PCBP3: variants seen among roughly 807,000 people sequenced by gnomAD.
PCBP3 encodes poly(rC)-binding protein 3.
PCBP3 carries 25 observed loss-of-function variants against 52.7 expected under a neutral mutation model. That is an observed-to-expected ratio of 0.47 (90% CI 0.35 to 0.66). The LOEUF is 0.66. PCBP3 is among the 30% of genes least tolerant of loss of function. The probability of loss-of-function intolerance (pLI) is 0.01; values close to 1 mark genes in which losing one functional copy is unlikely to be tolerated. For missense variants in PCBP3, 391 were observed against 490.3 expected, an observed-to-expected ratio of 0.80 and a Z score of 1.91; for synonymous variants, 162 against 183.0, an observed-to-expected ratio of 0.89 and a Z score of 0.93.
chr21:45,712,951 C>G (rs1324281949), intron 2 of PCBP3, among the ~76,000 whole-genome samples: 1 of 152,112 alleles, frequency 6.6e-6, no homozygotes, highest in Admixed American at 6.5e-5. Flanking sequence ...TCTCAAACTT[C>G]TGGGCTCAAG....
chr21:45,730,395 T>C (rs550229070), intron 2 of PCBP3, among the ~76,000 whole-genome samples: 2 of 152,218 alleles, frequency 1.3e-5, no homozygotes, highest in African/African-American at 4.8e-5. Flanking sequence ...TCCATTGTGG[T>C]CAGGAAACAT....
At chr21:45,894,133 G>A (rs1328318009) in intron 5 of PCBP3, 1 of 631,730 alleles carries the variant, frequency 1.6e-6, no homozygotes. Flanking sequence ...TGGGGCTCTG[G>A]GCACTGAGTC....
At chr21:45,886,773 A>G (rs888354477) in intron 5 of PCBP3, among the ~76,000 whole-genome samples, 1 of 152,160 alleles carries the variant, frequency 6.6e-6, no homozygotes, top group African/African-American at 2.4e-5. Context: ...CTGACCCCGC[A>G]TTGCCTCCAC....
At chr21:45,659,090 A>T (rs969224630) in intron 1 of PCBP3, among the ~76,000 whole-genome samples, 9 of 110,266 alleles carry the variant, frequency 8.2e-5, no homozygotes, top group East Asian at 6.5e-4. Flanking sequence ...TCTTTTTTTA[A>T]AAAAAAAACT....
intron 6 of PCBP3, among the ~76,000 whole-genome samples, chr21:45,897,320 C>T (rs2095858855): frequency 6.6e-6 from 1 of 152,196 alleles, no homozygotes; most frequent in Non-Finnish European, 1.5e-5. Context: ...TCTCAAGTCC[C>T]TTCCACCTGG....
chr21:45,867,550 T>C (rs2094794993), intron 5 of PCBP3, among the ~76,000 whole-genome samples: 1 of 152,248 alleles, frequency 6.6e-6, no homozygotes, highest in Admixed American at 6.5e-5. Context: ...CACCAGCCAG[T>C]TCTCCTTCCA....
chr21:45,775,513 G>A (rs370096000), intron 4 of PCBP3, among the ~76,000 whole-genome samples: 19 of 152,232 alleles, frequency 1.2e-4, no homozygotes, highest in East Asian at 1.2e-3. Context: ...AAACCCCTGG[G>A]TCAAGCAGTC....
intron 5 of PCBP3, among the ~76,000 whole-genome samples, chr21:45,875,974 C>T (rs1039684099): frequency 2.6e-5 from 4 of 152,202 alleles, no homozygotes; most frequent in South Asian, 2.1e-4. Flanking sequence ...CCCGCATCCC[C>T]GGTGCCGTGT....
intron 4 of PCBP3, among the ~76,000 whole-genome samples, chr21:45,758,821 T>C (rs1206735962): frequency 6.6e-6 from 1 of 152,182 alleles, no homozygotes; most frequent in Non-Finnish European, 1.5e-5. Context: ...TTGTTTCTGC[T>C]CTTGGGGGAA....
intron 4 of PCBP3, among the ~76,000 whole-genome samples, chr21:45,809,433 C>A (rs1157305586): frequency 6.6e-6 from 1 of 151,952 alleles, no homozygotes; most frequent in Non-Finnish European, 1.5e-5. Flanking sequence ...CTGAGGAGTA[C>A]GGGAGATAAA....
At chr21:45,773,212 T>A (rs2090011404) in intron 4 of PCBP3, among the ~76,000 whole-genome samples, 1 of 152,206 alleles carries the variant, frequency 6.6e-6, no homozygotes, top group Non-Finnish European at 1.5e-5. Flanking sequence ...TAGTTCCATG[T>A]CTTACATTTA....
At chr21:45,849,234 C>T (rs559838571) in intron 4 of PCBP3, among the ~76,000 whole-genome samples, 1 of 145,320 alleles carries the variant, frequency 6.9e-6, no homozygotes, top group East Asian at 2.2e-4. Flanking sequence ...GAGTCTCACT[C>T]ACTCTGTCAC....
rs1234757963 is a variant in PCBP3, at chr21:45,791,568, C to T, written c.-126+36116C>T. On this transcript the variant is annotated intron_variant, in intron 4 of 17. Transcript: ENST00000681687. This position sits in a 1 kb window ranked among gnomAD's most constrained non-coding sequence, Gnocchi z 4.2. ...TCTGGGCTAGGGAAGGAGAGAAGCT[C>T]GCGAGGGAGGTGTGCAACAGCCGGA... Among the ~76,000 whole-genome samples the T allele has an allele frequency of 1.3e-5, 2 of 152,152 alleles. No homozygotes were observed. Among genetic ancestry groups the T allele is most frequent in the East Asian group, 1.9e-4 (1 of 5,192 alleles).
intron 9 of PCBP3, among the ~76,000 whole-genome samples, chr21:45,903,739 A>G (rs2096127184): frequency 1.3e-5 from 2 of 152,210 alleles, no homozygotes; most frequent in African/African-American, 2.4e-5. Context: ...AACAAATCAG[A>G]CAGAGGTCTT....
At chr21:45,765,146 C>G (rs1406524336) in intron 4 of PCBP3, among the ~76,000 whole-genome samples, 2 of 152,158 alleles carry the variant, frequency 1.3e-5, no homozygotes, top group Admixed American at 1.3e-4. Context: ...GGGGATGGTG[C>G]CCTTTAGGGG....
At chr21:45,719,957 A>G (rs920820112) in intron 2 of PCBP3, among the ~76,000 whole-genome samples, 11 of 152,174 alleles carry the variant, frequency 7.2e-5, no homozygotes, top group African/African-American at 2.7e-4. Context: ...AGGCACCTCC[A>G]GATGACTTGC....
At chr21:45,835,423 C>T (rs1168566204) in intron 4 of PCBP3, among the ~76,000 whole-genome samples, 1 of 152,148 alleles carries the variant, frequency 6.6e-6, no homozygotes, top group African/African-American at 2.4e-5. Context: ...ACCTTTAACA[C>T]TGGCCCCGGG....
At position 45,724,010 on chromosome 21, in the gene PCBP3, A is replaced by G. The variant is rs114141950; in HGVS notation, c.-199-11382A>G. On this transcript the variant is annotated intron_variant, in intron 2 of 17. Coordinates refer to ENST00000681687, the MANE Select transcript of PCBP3 (RefSeq NM_001384156.1). This position sits in a 1 kb window ranked among gnomAD's most constrained non-coding sequence, Gnocchi z 5.3. ...CTGTTTTAAATTCTAGCTCCCCCAC[A>G]TCCTGCTTCTTGTTGGCACTGTAAA... 2.0e-3 allele frequency among the ~76,000 whole-genome samples: 307 copies of G among 152,206 alleles called. 1 individual carries two copies. Among genetic ancestry groups the G allele is most frequent in the African/African-American group, 7.1e-3 (295 of 41,526 alleles).
intron 5 of PCBP3, among the ~76,000 whole-genome samples, chr21:45,893,039 C>T (rs2095717956): frequency 6.6e-6 from 1 of 151,956 alleles, no homozygotes. Context: ...GAGGAGGGAC[C>T]ATGATGGAGC....
Sources: allele counts gnomAD v4.1 joint callset (sites outside exome capture counted in the v4.1 genomes callset), GRCh38; gene constraint gnomAD v4.1.1; non-coding constraint Gnocchi (gnomAD v3.1); transcripts MANE v1.5; gene names NCBI Gene and HGNC (gene_info 2026-07-23, HGNC 2026-07-21).